The following TMEM266 variants were observed in gnomAD, a reference collection of about 807,000 sequenced individuals.
The protein encoded by TMEM266 is transmembrane protein 266.
A neutral mutation model predicts 50.5 loss-of-function variants in TMEM266; 33 were observed. That is an observed-to-expected ratio of 0.65 (90% CI 0.50 to 0.87). TMEM266 has a LOEUF of 0.87. TMEM266 is among the 40% of genes least tolerant of loss of function. The pLI, the probability that TMEM266 is intolerant of heterozygous loss-of-function variation, is 0.00. For missense variants in TMEM266, 655 were observed against 695.1 expected, an observed-to-expected ratio of 0.94 and a Z score of 0.65; for synonymous variants, 310 against 292.3, an observed-to-expected ratio of 1.06 and a Z score of -0.62.
intron 7 of TMEM266, 73 bp downstream of exon 7, chr15:76,171,204 C>T (rs1280412193): frequency 5.7e-6 from 9 of 1,569,330 alleles, no homozygotes; most frequent in African/African-American, 2.7e-5. Context: ...GAGGAGATGC[C>T]GTGTGATGGG....
At chr15:76,195,356 T>G (rs2038638561) in intron 9 of TMEM266, among the ~76,000 whole-genome samples, 1 of 152,236 alleles carries the variant, frequency 6.6e-6, no homozygotes, top group Admixed American at 6.5e-5. Context: ...CTGACATCAC[T>G]TGTTCTGGTG....
intron 3 of TMEM266, among the ~76,000 whole-genome samples, chr15:76,140,928 T>C (rs1448244118): frequency 6.6e-6 from 1 of 151,934 alleles, no homozygotes; most frequent in Admixed American, 6.6e-5. Flanking sequence ...TCCTAGCTGC[T>C]TCAGAGGCTG....
At chr15:76,082,542 TG>T (rs969806581) in intron 1 of TMEM266, among the ~76,000 whole-genome samples, 10 of 152,062 alleles carry the variant, frequency 6.6e-5, no homozygotes, top group African/African-American at 1.9e-4. Context: ...TAACTTGGGT[TG>T]GGGGGGTGCA....
chr15:76,189,827 T>A (rs938473017), intron 8 of TMEM266, among the ~76,000 whole-genome samples: 1 of 152,072 alleles, frequency 6.6e-6, no homozygotes, highest in Non-Finnish European at 1.5e-5. Flanking sequence ...AAATGAGGAT[T>A]AAATGAAAAT....
chr15:76,183,254 T>C (rs2038447267), intron 8 of TMEM266, among the ~76,000 whole-genome samples: 1 of 151,750 alleles, frequency 6.6e-6, no homozygotes, highest in Non-Finnish European at 1.5e-5. Flanking sequence ...TAGCTGGGAT[T>C]ACAGGCATGT....
At chr15:76,088,140 A>G (rs893206434) in intron 1 of TMEM266, among the ~76,000 whole-genome samples, 1 of 152,190 alleles carries the variant, frequency 6.6e-6, no homozygotes, top group Admixed American at 6.5e-5. Context: ...TTCTTCCTCA[A>G]CATCCACTGA....
At chr15:76,137,344 A>G (rs2037606049) in intron 2 of TMEM266, among the ~76,000 whole-genome samples, 1 of 152,326 alleles carries the variant, frequency 6.6e-6, no homozygotes, top group East Asian at 1.9e-4. Context: ...TTACTCCCAT[A>G]CAGAGTCCAG....
intron 1 of TMEM266, among the ~76,000 whole-genome samples, chr15:76,081,935 T>C (rs1053540474): frequency 6.6e-6 from 1 of 152,168 alleles, no homozygotes; most frequent in Admixed American, 6.5e-5. Context: ...CCTTCCCTGT[T>C]TTCCCACCCT....
chr15:76,118,332 C>T (rs2037284398), intron 1 of TMEM266, among the ~76,000 whole-genome samples: 1 of 152,194 alleles, frequency 6.6e-6, no homozygotes, highest in African/African-American at 2.4e-5. Context: ...GAAGCCGAGG[C>T]AGGTGGATCA....
At chr15:76,069,025 C>A (rs558480234) in intron 1 of TMEM266, among the ~76,000 whole-genome samples, 106 of 152,234 alleles carry the variant, frequency 7.0e-4, no homozygotes, top group Non-Finnish European at 1.2e-3. Context: ...CTAGAACCTA[C>A]AGCACATCAC....
At chr15:76,064,594 A>C (rs2036376815) in intron 1 of TMEM266, among the ~76,000 whole-genome samples, 1 of 152,156 alleles carries the variant, frequency 6.6e-6, no homozygotes, top group South Asian at 2.1e-4. Flanking sequence ...GATGGCTTTA[A>C]TTGCTGCCCT....
intron 1 of TMEM266, chr15:76,108,968 A>G (rs2037126870): frequency 6.6e-6 from 1 of 152,182 alleles, no homozygotes; most frequent in African/African-American, 2.4e-5. Flanking sequence ...TCTCCTTCCA[A>G]CTAGACTGTT....
chr15:76,084,622 A>G (rs1163893430), intron 1 of TMEM266, among the ~76,000 whole-genome samples: 2 of 150,370 alleles, frequency 1.3e-5, no homozygotes, highest in African/African-American at 2.5e-5. Flanking sequence ...GTTTTTTGAG[A>G]CAGAGTCTTG....
chr15:76,199,033 T>C (rs2038699795), intron 9 of TMEM266, among the ~76,000 whole-genome samples: 1 of 130,966 alleles, frequency 7.6e-6, no homozygotes. Context: ...AGTAATCTAA[T>C]TCATTGAACC....
intron 1 of TMEM266, among the ~76,000 whole-genome samples, chr15:76,099,105 T>G (rs1191189135): frequency 2.0e-5 from 3 of 152,178 alleles, no homozygotes; most frequent in Non-Finnish European, 4.4e-5. Flanking sequence ...TATCTCACTG[T>G]CGTTCCAGGC....
At chr15:76,060,914 A>G (rs1445938283) in intron 1 of TMEM266, among the ~76,000 whole-genome samples, 1 of 152,182 alleles carries the variant, frequency 6.6e-6, no homozygotes, top group Non-Finnish European at 1.5e-5. Context: ...TTTTAAAATA[A>G]GACCTACCTA....
intron 8 of TMEM266, 121 bp from the exon 9 acceptor site, chr15:76,191,847 G>T: frequency 1.1e-6 from 1 of 880,424 alleles, no homozygotes; most frequent in Middle Eastern, 3.6e-4. Context: ...TCCAGCTGCG[G>T]GAGGCTCAGC....
chr15:76,118,827 A>G (rs377055110), intron 1 of TMEM266, among the ~76,000 whole-genome samples: 32 of 152,340 alleles, frequency 2.1e-4, no homozygotes, highest in African/African-American at 6.3e-4. Context: ...ATCACGTAGT[A>G]GCATCATGCA....
At chr15:76,134,806 G>T (rs754795895) in intron 2 of TMEM266, among the ~76,000 whole-genome samples, 1 of 152,192 alleles carries the variant, frequency 6.6e-6, no homozygotes, top group Non-Finnish European at 1.5e-5. Flanking sequence ...GTAATGCTGT[G>T]TAACAACCAA....
Sources: allele counts gnomAD v4.1 joint callset (sites outside exome capture counted in the v4.1 genomes callset), GRCh38; gene constraint gnomAD v4.1.1; transcripts MANE v1.5; gene names NCBI Gene and HGNC (gene_info 2026-07-23, HGNC 2026-07-21).